Variants in PLPP1 observed in about 807,000 individuals in gnomAD.
PLPP1 encodes the protein phospholipid phosphatase 1, also known as lipid phosphate phosphohydrolase 1a.
PLPP1 carries 24 observed loss-of-function variants against 31.2 expected under a neutral mutation model. The ratio of observed to expected loss-of-function variants is 0.77; its 90% CI spans 0.56 to 1.08. The LOEUF (loss-of-function observed/expected upper bound fraction) is 1.08, where lower values mean the gene tolerates loss of function less well. Ranked by LOEUF, PLPP1 falls within the 50% of genes least tolerant of loss-of-function variation. PLPP1 has a pLI of 0.00. For missense variants in PLPP1, 319 were observed against 342.7 expected (o/e 0.93, Z 0.55); for synonymous variants, 146 against 126.3 (o/e 1.16, Z -1.05).
At chr5:55,435,064 C>T (rs764436130) in intron 4 of PLPP1, among the ~76,000 whole-genome samples, 2 of 152,114 alleles carry the variant, frequency 1.3e-5, no homozygotes, top group Non-Finnish European at 2.9e-5. Flanking sequence ...ACCAAATACT[C>T]CCATTGAAAA....
chr5:55,482,251 T>G (rs181105436), intron 1 of PLPP1, among the ~76,000 whole-genome samples: 1 of 151,186 alleles, frequency 6.6e-6, no homozygotes, highest in African/African-American at 2.4e-5. Flanking sequence ...ACGCATTCAA[T>G]GTAAGTCTCC....
At chr5:55,474,922 T>C (rs1752502055) in intron 2 of PLPP1, among the ~76,000 whole-genome samples, 2 of 152,196 alleles carry the variant, frequency 1.3e-5, no homozygotes, top group Admixed American at 1.3e-4. Context: ...CAAGGTTCTT[T>C]TCGTGTTTTT....
chr5:55,523,653 A>C (rs910357683), intron 1 of PLPP1, among the ~76,000 whole-genome samples: 3 of 152,228 alleles, frequency 2.0e-5, no homozygotes, highest in African/African-American at 7.2e-5. Flanking sequence ...TTTAGAAATA[A>C]AAGTTACAAA....
intron 5 of PLPP1, chr5:55,425,545 C>T (rs955417482): frequency 2.1e-5 from 10 of 483,610 alleles, no homozygotes; most frequent in African/African-American, 1.8e-4. Context: ...CAAATAGCTT[C>T]ATTTTGCCAA....
chr5:55,483,348 C>T (rs979098585), intron 1 of PLPP1, among the ~76,000 whole-genome samples: 1 of 152,058 alleles, frequency 6.6e-6, no homozygotes, highest in Non-Finnish European at 1.5e-5. Flanking sequence ...AACACACAAA[C>T]AACATCAGTT....
intron 1 of PLPP1, among the ~76,000 whole-genome samples, chr5:55,504,598 C>T (rs561913215): frequency 6.6e-6 from 1 of 150,608 alleles, no homozygotes; most frequent in South Asian, 2.1e-4. Flanking sequence ...TTTTTGTTGC[C>T]ATGCAGGGCA....
At chr5:55,519,800 T>C (rs1425912891) in intron 1 of PLPP1, among the ~76,000 whole-genome samples, 1 of 151,892 alleles carries the variant, frequency 6.6e-6, no homozygotes, top group African/African-American at 2.4e-5. Context: ...TTTAATTACA[T>C]TTAGTCATCT....
At chr5:55,480,965 T>C (rs1752656265) in intron 1 of PLPP1, among the ~76,000 whole-genome samples, 1 of 152,236 alleles carries the variant, frequency 6.6e-6, no homozygotes, top group Non-Finnish European at 1.5e-5. Context: ...AGTAAACTCA[T>C]ACTCAGCTAT....
chr5:55,483,217 A>C (rs1468926383), intron 1 of PLPP1, among the ~76,000 whole-genome samples: 1 of 152,212 alleles, frequency 6.6e-6, no homozygotes, highest in Non-Finnish European at 1.5e-5. Flanking sequence ...TAAAATTGTG[A>C]ATATTGTCTA....
intron 3 of PLPP1, among the ~76,000 whole-genome samples, chr5:55,444,168 G>A (rs1013700229): frequency 6.7e-6 from 1 of 149,134 alleles, no homozygotes; most frequent in Non-Finnish European, 1.5e-5. Context: ...TGCAACCTCC[G>A]CCTCCCGGGT....
chr5:55,507,147 A>C (rs1753298193), intron 1 of PLPP1, among the ~76,000 whole-genome samples: 1 of 152,196 alleles, frequency 6.6e-6, no homozygotes, highest in South Asian at 2.1e-4. Flanking sequence ...AAGTCATTCA[A>C]AATTTTACCA....
intron 3 of PLPP1, among the ~76,000 whole-genome samples, chr5:55,459,023 T>C (rs1752091920): frequency 6.6e-6 from 1 of 150,478 alleles, no homozygotes; most frequent in African/African-American, 2.4e-5. Context: ...AAGCAAGATA[T>C]GACTATATAT....
chr5:55,474,172 T>C (rs1752487282), intron 2 of PLPP1, among the ~76,000 whole-genome samples: 2 of 151,886 alleles, frequency 1.3e-5, no homozygotes, highest in Admixed American at 1.3e-4. Context: ...AATTTTTGTA[T>C]TTTTAGTAGA....
intron 1 of PLPP1, among the ~76,000 whole-genome samples, chr5:55,526,613 A>G (rs1411622479): frequency 6.6e-6 from 1 of 152,192 alleles, no homozygotes; most frequent in Non-Finnish European, 1.5e-5. Flanking sequence ...CTTTCATCAG[A>G]AGCAAAATAA....
At chr5:55,448,297 C>T (rs777768040) in intron 3 of PLPP1, among the ~76,000 whole-genome samples, 1 of 152,116 alleles carries the variant, frequency 6.6e-6, no homozygotes, top group South Asian at 2.1e-4. Flanking sequence ...ATATTGCACA[C>T]TTTCTGGAGG....
chr5:55,523,521 T>G (rs1232519935), intron 1 of PLPP1, among the ~76,000 whole-genome samples: 5 of 152,138 alleles, frequency 3.3e-5, no homozygotes, highest in Admixed American at 3.3e-4. Context: ...AGCCCTCACT[T>G]CCGTCATCTA....
At chr5:55,442,091 AG>A (rs1434403204) in intron 3 of PLPP1, among the ~76,000 whole-genome samples, 183 bp from the exon 4 acceptor site, 1 of 152,188 alleles carries the variant, frequency 6.6e-6, no homozygotes, top group East Asian at 1.9e-4. Flanking sequence ...GAAGGATCTG[AG>A]GTCAGATCTC....
intron 1 of PLPP1, among the ~76,000 whole-genome samples, chr5:55,487,374 C>A (rs1752796482): frequency 6.7e-6 from 1 of 148,546 alleles, no homozygotes; most frequent in Non-Finnish European, 1.5e-5. Flanking sequence ...CTACACAAAG[C>A]CAAAAATGAT....
rs1740623941 is a variant in PLPP1 at position 55,530,448 on chromosome 5, G to C, written c.58+4124C>G. 3 of 1,254,874 alleles carry C rather than the reference G, an allele frequency of 2.4e-6. No individual in the cohort carries two copies. The Admixed American group carries it at 5.0e-5, about 21-fold the overall frequency. The allele number at this position is 1,254,874 out of a possible 1,614,324, so 77.7% of individuals were successfully genotyped here. ...ATAAGTAGGATGACCAGAAGAACTTGTATTCTCTTGGTAAGTTTCTGTGTT... is the reference window on the plus strand; with the variant it reads ...ATAAGTAGGATGACCAGAAGAACTTCTATTCTCTTGGTAAGTTTCTGTGTT... On this transcript the variant is annotated intron_variant, in intron 1 of 5. Transcript: ENST00000307259.
Sources: allele counts gnomAD v4.1 joint callset (sites outside exome capture counted in the v4.1 genomes callset), GRCh38; gene constraint gnomAD v4.1.1; transcripts MANE v1.5; gene names NCBI Gene and HGNC (gene_info 2026-07-23, HGNC 2026-07-21).